KATNAL1: variants seen among roughly 807,000 people sequenced by gnomAD.
The protein encoded by KATNAL1 is katanin catalytic subunit A1 like 1.
KATNAL1 carries 32 observed loss-of-function variants against 55.2 expected under a neutral mutation model. That is an observed-to-expected ratio of 0.58 (90% CI 0.44 to 0.78). The LOEUF (loss-of-function observed/expected upper bound fraction) is 0.78. Ranked by LOEUF, KATNAL1 falls within the 30% of genes least tolerant of loss-of-function variation. The probability of loss-of-function intolerance (pLI) is 0.00; values close to 1 mark genes in which losing one functional copy is unlikely to be tolerated. For missense variants in KATNAL1, 466 were observed against 600.9 expected, an observed-to-expected ratio of 0.78 and a Z score of 2.35; for synonymous variants, 193 against 193.6, an observed-to-expected ratio of 1.00 and a Z score of 0.02.
At chr13:30,301,417 T>C (rs1473094902) in intron 1 of KATNAL1, among the ~76,000 whole-genome samples, 1 of 152,154 alleles carries the variant, frequency 6.6e-6, no homozygotes, top group East Asian at 1.9e-4. Context: ...ATTGCATAAA[T>C]ACCCTTTTTA....
intron 9 of KATNAL1, among the ~76,000 whole-genome samples, chr13:30,225,780 G>A (rs143268326): frequency 6.6e-6 from 1 of 151,338 alleles, no homozygotes; most frequent in Non-Finnish European, 1.5e-5. Flanking sequence ...GATTTCTTAA[G>A]ACACAAAAAG....
At chr13:30,296,338 C>T (rs1471354549) in intron 1 of KATNAL1, 2 of 1,155,272 alleles carry the variant, frequency 1.7e-6, no homozygotes, top group African/African-American at 3.0e-5. Flanking sequence ...ATGCCGAGGA[C>T]TTCCGCAAGC....
chr13:30,275,750 A>G (rs1010613081), intron 3 of KATNAL1, among the ~76,000 whole-genome samples: 2 of 152,158 alleles, frequency 1.3e-5, no homozygotes, highest in Non-Finnish European at 2.9e-5. Flanking sequence ...GGTAATTGAT[A>G]TGCTAATTAG....
chr13:30,274,907 G>GCACGCACACACACA (rs1187805458), intron 3 of KATNAL1, among the ~76,000 whole-genome samples: 3 of 105,390 alleles, frequency 2.8e-5, no homozygotes, highest in African/African-American at 1.2e-4. Context: ...GCGCGCGCGC[G>GCACGCACACACACA]CACACACACA....
chr13:30,209,594 A>G (rs565618505), intron 10 of KATNAL1, among the ~76,000 whole-genome samples: 35 of 152,376 alleles, frequency 2.3e-4, no homozygotes, highest in African/African-American at 7.7e-4. Flanking sequence ...ATGTCGCTAA[A>G]CTGAAAAAAT....
intron 1 of KATNAL1, among the ~76,000 whole-genome samples, chr13:30,288,874 T>C (rs1260182183): frequency 1.3e-5 from 2 of 152,222 alleles, no homozygotes; most frequent in African/African-American, 2.4e-5. Flanking sequence ...AGAGCAAATG[T>C]TGACACTACT....
At chr13:30,270,541 G>A (rs1267634459) in intron 3 of KATNAL1, among the ~76,000 whole-genome samples, 6 of 152,146 alleles carry the variant, frequency 3.9e-5, no homozygotes, top group African/African-American at 1.4e-4. Flanking sequence ...GTAGAAAGAG[G>A]TAGACATGGG....
At chr13:30,232,283 C>G (rs960928897) in intron 6 of KATNAL1, among the ~76,000 whole-genome samples, 3 of 151,978 alleles carry the variant, frequency 2.0e-5, no homozygotes, top group Non-Finnish European at 4.4e-5. Context: ...TGCATAATAC[C>G]TGGTGATTCC....
chr13:30,258,452 T>G (rs1878967804), intron 3 of KATNAL1, among the ~76,000 whole-genome samples: 1 of 152,212 alleles, frequency 6.6e-6, no homozygotes, highest in African/African-American at 2.4e-5. Flanking sequence ...TTTTTGCATT[T>G]TATTTTCAAC....
At chr13:30,259,531 G>A (rs569256344) in intron 3 of KATNAL1, among the ~76,000 whole-genome samples, 2 of 152,328 alleles carry the variant, frequency 1.3e-5, no homozygotes, top group Non-Finnish European at 2.9e-5. Flanking sequence ...TGCACGAGCC[G>A]AAGCAGGGCA....
chr13:30,225,313 A>G (rs1300764527), intron 9 of KATNAL1, among the ~76,000 whole-genome samples: 1 of 152,154 alleles, frequency 6.6e-6, no homozygotes, highest in Non-Finnish European at 1.5e-5. Flanking sequence ...GAACTATATA[A>G]TCAGCTTCCA....
intron 9 of KATNAL1, among the ~76,000 whole-genome samples, chr13:30,211,895 G>C (rs1873724777): frequency 6.6e-6 from 1 of 152,168 alleles, no homozygotes; most frequent in Non-Finnish European, 1.5e-5. Context: ...GTACAGAACG[G>C]GGTGCCCAGC....
intron 3 of KATNAL1, among the ~76,000 whole-genome samples, chr13:30,277,982 C>CAAAAAAAAAAAAAAAAAA (rs55683675): frequency 1.6e-5 from 1 of 61,312 alleles, no homozygotes; most frequent in African/African-American, 7.1e-5. Flanking sequence ...GACTCCGTCT[C>CAAAAAAAAAAAAAAAAAA]AAAAAAAAAA....
At chr13:30,276,142 C>T (rs1410270961) in intron 3 of KATNAL1, among the ~76,000 whole-genome samples, 1 of 152,160 alleles carries the variant, frequency 6.6e-6, no homozygotes, top group Non-Finnish European at 1.5e-5. Context: ...ATTTCCACTA[C>T]CTACCACCAC....
At chr13:30,244,551 A>G (rs190866767) in intron 4 of KATNAL1, among the ~76,000 whole-genome samples, 1 of 152,248 alleles carries the variant, frequency 6.6e-6, no homozygotes, top group East Asian at 1.9e-4. Flanking sequence ...AACAGTGTAA[A>G]AGCGTTCCTA....
intron 1 of KATNAL1, among the ~76,000 whole-genome samples, chr13:30,288,787 G>A (rs1184842888): frequency 2.0e-5 from 3 of 152,182 alleles, no homozygotes; most frequent in African/African-American, 4.8e-5. Context: ...TCAAATTGCT[G>A]TACAGCAGGG....
Position 30,239,022 on chromosome 13 carries a change from T to A in KATNAL1, c.726+1438A>T, listed in dbSNP as rs541877410. Among the ~76,000 whole-genome samples the A allele has an allele frequency of 4.6e-5, 7 of 152,366 alleles. No homozygotes were observed. In the East Asian group the frequency reaches 1.2e-3, roughly 25 times the overall value. On this transcript the variant is annotated intron_variant, in intron 6 of 10. Transcript: ENST00000380615. The stretch of plus-strand genomic sequence containing the variant: ...GATTTGAGATGATCTCAAAGACTCA[T>A]TCCAGTTCTGAAATTCTGGAATTTA...
chr13:30,218,019 A>G (rs1874462574), intron 9 of KATNAL1, among the ~76,000 whole-genome samples: 1 of 152,106 alleles, frequency 6.6e-6, no homozygotes, highest in Admixed American at 6.5e-5. Flanking sequence ...AAAAATCAGT[A>G]AAATTTAAAG....
intron 1 of KATNAL1, among the ~76,000 whole-genome samples, chr13:30,292,864 G>A (rs372398928): frequency 6.6e-5 from 10 of 152,096 alleles, no homozygotes; most frequent in Admixed American, 3.9e-4. Context: ...TTTTCCTTGA[G>A]AATTTTTATG....
Sources: gnomAD v4.1 joint callset for allele counts (sites outside exome capture counted in the v4.1 genomes callset) on GRCh38, gnomAD v4.1.1 for gene constraint, MANE v1.5 for transcripts, NCBI Gene and HGNC (gene_info 2026-07-23, HGNC 2026-07-21) for gene names.